Variants in PCDHGA1 observed in about 807,000 individuals in gnomAD.
The protein encoded by PCDHGA1 is protocadherin gamma subfamily A, 1, also known as protocadherin gamma-A1.
In PCDHGA1, 32 loss-of-function variants were observed where a neutral mutation model predicts 58.0. The observed-to-expected ratio is 0.55, with a 90% CI of 0.42 to 0.74. PCDHGA1 has a LOEUF of 0.74. PCDHGA1 is among the 30% of genes least tolerant of loss of function. The probability of loss-of-function intolerance (pLI) is 0.00; values close to 1 mark genes in which losing one functional copy is unlikely to be tolerated. For missense variants in PCDHGA1, 1,205 were observed against 1,182.3 expected (o/e 1.02, Z -0.28); for synonymous variants, 498 against 501.1 (o/e 0.99, Z 0.08).
At chr5:141,427,870 C>T (rs773176633) in intron 1 of PCDHGA1, 86 of 1,558,630 alleles carry the variant, frequency 5.5e-5, no homozygotes, top group Non-Finnish European at 4.8e-5. Context: ...TTCGAGCTCA[C>T]GATGCAGGCC....
intron 1 of PCDHGA1, chr5:141,415,909 C>T: frequency 2.6e-6 from 2 of 761,032 alleles, no homozygotes; most frequent in Non-Finnish European, 3.7e-6. Context: ...GACTTCCATA[C>T]AGAAGTGCCT....
intron 1 of PCDHGA1, chr5:141,422,932 C>G: frequency 6.2e-7 from 1 of 1,614,252 alleles, no homozygotes; most frequent in Non-Finnish European, 8.5e-7. Context: ...CCCTGCCCTC[C>G]CCACAGACGG....
chr5:141,479,490 G>A (rs1334340000), intron 1 of PCDHGA1: 1 of 152,248 alleles, frequency 6.6e-6, no homozygotes, highest in Non-Finnish European at 1.5e-5. Context: ...AGGACCATCA[G>A]GTTGCCTAAA....
chr5:141,475,921 A>T, intron 1 of PCDHGA1: 1 of 604,938 alleles, frequency 1.7e-6, no homozygotes, highest in Non-Finnish European at 2.8e-6. Flanking sequence ...AAGACGCTGG[A>T]GATCGGGCCC....
intron 1 of PCDHGA1, chr5:141,408,935 G>C (rs773802276): frequency 6.2e-7 from 1 of 1,613,472 alleles, no homozygotes; most frequent in Non-Finnish European, 8.5e-7. Context: ...TTTCAGCAGA[G>C]ACGAATATAG....
At chr5:141,484,878 G>C (rs2099602522) in intron 1 of PCDHGA1, 1 of 341,888 alleles carries the variant, frequency 2.9e-6, no homozygotes, top group Non-Finnish European at 5.3e-6. Flanking sequence ...TGGAGGATAG[G>C]GTGGGCTTTT....
intron 1 of PCDHGA1, chr5:141,427,502 G>A (rs1276688816): frequency 1.7e-6 from 1 of 576,718 alleles, no homozygotes; most frequent in East Asian, 4.0e-5. Flanking sequence ...TAACAGATGG[G>A]ACCCTGGATT....
intron 1 of PCDHGA1, chr5:141,360,398 A>G (rs1171343282): frequency 2.5e-6 from 4 of 1,613,808 alleles, no homozygotes; most frequent in Non-Finnish European, 3.4e-6. Flanking sequence ...CTTGTGAGTG[A>G]CAGAATAGAC....
At chr5:141,344,807 T>A (rs764222927) in intron 1 of PCDHGA1, 109 of 1,613,842 alleles carry the variant, frequency 6.8e-5, no homozygotes, top group Non-Finnish European at 1.9e-5. Flanking sequence ...TGCCTGTGGG[T>A]ACCCGGCTGC....
intron 1 of PCDHGA1, chr5:141,383,563 C>T: frequency 6.2e-7 from 1 of 1,613,152 alleles, no homozygotes; most frequent in South Asian, 1.1e-5. Context: ...CGACCCGCCC[C>T]GATCCAGCAC....
chr5:141,388,384 T>G, intron 1 of PCDHGA1: 3 of 1,614,014 alleles, frequency 1.9e-6, no homozygotes, highest in Non-Finnish European at 2.5e-6. Context: ...AGCAACACAC[T>G]GCAGAATTAC....
intron 1 of PCDHGA1, chr5:141,395,524 T>G (rs1312171320): frequency 5.1e-6 from 2 of 392,258 alleles, no homozygotes; most frequent in Non-Finnish European, 9.1e-6. Flanking sequence ...CCGTCCATAC[T>G]GGTAATTTTG....
intron 1 of PCDHGA1, chr5:141,389,691 T>G: frequency 6.2e-7 from 1 of 1,612,564 alleles, no homozygotes; most frequent in Non-Finnish European, 8.5e-7. Context: ...CGCCTGGCTG[T>G]CCTACCACGT....
chr5:141,460,289 T>C, intron 1 of PCDHGA1, among the ~76,000 whole-genome samples: 1 of 152,148 alleles, frequency 6.6e-6, no homozygotes, highest in East Asian at 1.9e-4. Context: ...TTTGTATTTC[T>C]TATGTCCTAT....
At chr5:141,362,136 C>G in intron 1 of PCDHGA1, 1 of 1,614,042 alleles carries the variant, frequency 6.2e-7, no homozygotes, top group African/African-American at 1.3e-5. Context: ...TCGCGGATAG[C>G]CTGCAAGAGG....
In PCDHGA1 at chr5:141,419,577, C is replaced by A. The variant is rs1182305164; in HGVS notation, c.2422-75230C>A. ...CCTGCGCTGGGTCCCGACGGCTCCG[C>A]GCTCTTCGACACAGTGCCGCGGGCC... On this transcript the variant is annotated intron_variant, in intron 1 of 3. Coordinates refer to ENST00000517417, the MANE Select transcript of PCDHGA1 (RefSeq NM_018912.3). 3.1e-6 allele frequency: 5 copies of A among 1,611,732 alleles called. No individual in the cohort carries two copies. The South Asian group carries it at 5.5e-5, about 18-fold the overall frequency.
intron 1 of PCDHGA1, chr5:141,372,294 G>C (rs536487253): frequency 6.2e-7 from 1 of 1,613,280 alleles, no homozygotes; most frequent in Non-Finnish European, 8.5e-7. Flanking sequence ...TACCTTGGGC[G>C]ACAGGGAGGC....
Position 141,478,507 on chromosome 5 carries a change from T to C in PCDHGA1, c.2422-16300T>C, listed in dbSNP as rs781120326. The C allele has an allele frequency of 4.3e-6, 7 of 1,612,048 alleles. No homozygotes were observed. In the East Asian group the frequency reaches 1.3e-4, roughly 31 times the overall value. On this transcript the variant is annotated intron_variant, in intron 1 of 3. Transcript: ENST00000517417. The stretch of plus-strand genomic sequence containing the variant: ...TGCGGAGCTGTGATCCGGTGTTCTA[T>C]AGGCAGGTGTTGGGTGCAGAGAGCG...
intron 1 of PCDHGA1, chr5:141,377,329 A>G (rs2150108230): frequency 6.6e-6 from 1 of 152,270 alleles, no homozygotes; most frequent in South Asian, 2.1e-4. Flanking sequence ...GGTTTTAGCT[A>G]GCATGGTGGT....
Sources: gnomAD v4.1 joint callset for allele counts (sites outside exome capture counted in the v4.1 genomes callset) on GRCh38, gnomAD v4.1.1 for gene constraint, MANE v1.5 for transcripts, NCBI Gene and HGNC (gene_info 2026-07-23, HGNC 2026-07-21) for gene names.